GRID2: variants seen among roughly 807,000 people sequenced by gnomAD.
GRID2 encodes the protein glutamate ionotropic receptor delta type subunit 2, also known as glutamate receptor ionotropic, delta-2.
A neutral mutation model predicts 114.8 loss-of-function variants in GRID2; 33 were observed. The ratio of observed to expected loss-of-function variants is 0.29; its 90% CI spans 0.22 to 0.38. The LOEUF is 0.38. Ranked by LOEUF, GRID2 falls within the 10% of genes least tolerant of loss-of-function variation. GRID2 has a pLI of 1.00. For synonymous variants in GRID2, 505 were observed against 449.9 expected (o/e 1.12, Z -1.55); for missense variants, 1,184 against 1,257.7 (o/e 0.94, Z 0.89).
At chr4:92,714,949 A>G (rs563141832) in intron 2 of GRID2, among the ~76,000 whole-genome samples, 1 of 152,306 alleles carries the variant, frequency 6.6e-6, no homozygotes, top group East Asian at 1.9e-4. Context: ...TTTGGCTCCT[A>G]GTTACTTATG....
intron 13 of GRID2, among the ~76,000 whole-genome samples, chr4:93,551,185 C>T (rs181335406): frequency 6.6e-6 from 1 of 152,092 alleles, no homozygotes; most frequent in East Asian, 1.9e-4. Context: ...GACCAGGTAA[C>T]CATGTGGAGG....
At chr4:93,711,506 A>G (rs1728476983) in intron 14 of GRID2, among the ~76,000 whole-genome samples, 1 of 152,200 alleles carries the variant, frequency 6.6e-6, no homozygotes, top group Non-Finnish European at 1.5e-5. Context: ...CTGCCTTTCA[A>G]GCTTATTTAG....
intron 11 of GRID2, among the ~76,000 whole-genome samples, chr4:93,479,614 G>A (rs1725658875): frequency 6.6e-6 from 1 of 152,218 alleles, no homozygotes; most frequent in South Asian, 2.1e-4. Context: ...CATAAGTCCT[G>A]GAGTCCCTAG....
At chr4:92,544,397 A>G (rs1022218044) in intron 1 of GRID2, among the ~76,000 whole-genome samples, 4 of 152,060 alleles carry the variant, frequency 2.6e-5, no homozygotes, top group African/African-American at 7.2e-5. Context: ...ATGTCATTCA[A>G]TTTGATTCTG....
Position 93,466,833 on chromosome 4 carries a change from T to C in GRID2, c.1858+10859T>C, listed in dbSNP as rs1384348017. Among the ~76,000 whole-genome samples the C allele has an allele frequency of 3.9e-5, 6 of 152,342 alleles. No homozygotes were observed. In the East Asian group the frequency reaches 9.6e-4, roughly 24 times the overall value. ...TTAATAACTATTTGATAGTTTAATA[T>C]GTTAATGAAACTGAAAGCAGTCTTG... On this transcript the variant is annotated intron_variant, in intron 11 of 15. Transcript: ENST00000282020.
intron 1 of GRID2, among the ~76,000 whole-genome samples, chr4:92,434,693 A>G (rs1244336322): frequency 2.6e-5 from 4 of 152,252 alleles, no homozygotes; most frequent in Admixed American, 2.0e-4. Flanking sequence ...AACTTCTAAT[A>G]TATTTGAAAA....
intron 13 of GRID2, among the ~76,000 whole-genome samples, chr4:93,602,844 C>A (rs571167993): frequency 6.6e-6 from 1 of 152,260 alleles, no homozygotes; most frequent in South Asian, 2.1e-4. Flanking sequence ...AGATGATTAG[C>A]CAAGTTAAAT....
At chr4:92,652,808 T>C (rs746341365) in intron 2 of GRID2, among the ~76,000 whole-genome samples, 1 of 131,280 alleles carries the variant, frequency 7.6e-6, no homozygotes, top group Non-Finnish European at 1.6e-5. Context: ...AAAAAAAAAA[T>C]ATATATATAT....
chr4:92,880,345 T>C (rs774240789), intron 2 of GRID2, among the ~76,000 whole-genome samples: 1 of 152,190 alleles, frequency 6.6e-6, no homozygotes, highest in East Asian at 1.9e-4. Context: ...TTAGATGTCT[T>C]CAAGAGACAG....
intron 2 of GRID2, among the ~76,000 whole-genome samples, chr4:92,687,808 G>A (rs1027409537): frequency 3.3e-5 from 5 of 151,858 alleles, no homozygotes; most frequent in Admixed American, 2.0e-4. Flanking sequence ...CAGCCTGGGC[G>A]ACAAAGCAAG....
intron 1 of GRID2, among the ~76,000 whole-genome samples, chr4:92,411,831 G>T (rs1268996355): frequency 6.6e-6 from 1 of 151,028 alleles, no homozygotes; most frequent in Non-Finnish European, 1.5e-5. Flanking sequence ...TCAGCTTCCC[G>T]AGTAGCTGGG....
intron 2 of GRID2, among the ~76,000 whole-genome samples, chr4:92,945,649 T>G (rs550567065): frequency 6.6e-6 from 1 of 152,306 alleles, no homozygotes; most frequent in African/African-American, 2.4e-5. Context: ...CTAAGGTTCA[T>G]GGTAGCTGCT....
At position 93,729,041 on chromosome 4, in the gene GRID2, G is replaced by T. The variant is rs561878637; in HGVS notation, c.2361-40169G>T. Among the ~76,000 whole-genome samples, 8 of 152,244 alleles carry T rather than the reference G, an allele frequency of 5.3e-5. No individual in the cohort carries two copies. In the South Asian group the frequency reaches 1.5e-3, roughly 28 times the overall value. Reference sequence around the variant, plus strand: ...TGATCCTAACATTATGATGTCAGCTGGTTATTTTGCTCGTTAGTTGATGCA... The same window carrying T: ...TGATCCTAACATTATGATGTCAGCTTGTTATTTTGCTCGTTAGTTGATGCA... On this transcript the variant is annotated intron_variant, in intron 14 of 15. Coordinates refer to ENST00000282020, the MANE Select transcript of GRID2 (RefSeq NM_001510.4).
At chr4:93,343,774 T>C (rs113441458) in intron 8 of GRID2, among the ~76,000 whole-genome samples, 7,019 of 152,222 alleles carry the variant, frequency 0.046, 184 homozygotes, top group South Asian at 0.068. Context: ...AGGATGCTGA[T>C]CTCTGACCTG....
At chr4:92,502,427 G>A (rs1023361257) in intron 1 of GRID2, among the ~76,000 whole-genome samples, 3 of 151,924 alleles carry the variant, frequency 2.0e-5, no homozygotes, top group Non-Finnish European at 4.4e-5. Context: ...TATAAAATGA[G>A]TAAAGATTTT....
intron 14 of GRID2, among the ~76,000 whole-genome samples, chr4:93,731,140 T>TA (rs775158288): frequency 1.1e-4 from 17 of 152,260 alleles, no homozygotes; most frequent in East Asian, 3.9e-4. Context: ...TCGTGATTTG[T>TA]AAAAAAACTT....
At chr4:92,814,944 A>AGC (rs1311107097) in intron 2 of GRID2, among the ~76,000 whole-genome samples, 3 of 152,226 alleles carry the variant, frequency 2.0e-5, no homozygotes, top group African/African-American at 7.2e-5. Context: ...CAGAGCTCAA[A>AGC]ATGTGCAAGT....
chr4:93,256,229 G>T (rs567421677), intron 8 of GRID2, among the ~76,000 whole-genome samples: 1 of 151,364 alleles, frequency 6.6e-6, no homozygotes, highest in South Asian at 2.1e-4. Flanking sequence ...TTTTTGAATG[G>T]CAACCATGTT....
intron 8 of GRID2, among the ~76,000 whole-genome samples, chr4:93,330,263 T>C (rs947770324): frequency 1.6e-4 from 25 of 152,148 alleles, no homozygotes; most frequent in African/African-American, 6.0e-4. Flanking sequence ...CTCCTAGTTC[T>C]GATATCAAAG....
Sources: allele counts gnomAD v4.1 joint callset (sites outside exome capture counted in the v4.1 genomes callset), GRCh38; gene constraint gnomAD v4.1.1; transcripts MANE v1.5; gene names NCBI Gene and HGNC (gene_info 2026-07-23, HGNC 2026-07-21).